The following NRXN1 variants were observed in gnomAD, a reference collection of about 807,000 sequenced individuals.
The protein encoded by NRXN1 is neurexin-1.
NRXN1 carries 39 observed loss-of-function variants against 150.9 expected under a neutral mutation model. That is an observed-to-expected ratio of 0.26 (90% confidence interval 0.20 to 0.34). NRXN1 has a LOEUF of 0.34. NRXN1 is among the 10% of genes least tolerant of loss of function. The probability of loss-of-function intolerance (pLI) is 1.00; values close to 1 mark genes in which losing one functional copy is unlikely to be tolerated. For missense variants in NRXN1, 1,815 were observed against 1,949.9 expected (o/e 0.93, Z 1.30); for synonymous variants, 924 against 757.0 (o/e 1.22, Z -3.62).
chr2:50,376,418 C>A (rs2080501257), intron 17 of NRXN1, among the ~76,000 whole-genome samples: 1 of 151,420 alleles, frequency 6.6e-6, no homozygotes, highest in Non-Finnish European at 1.5e-5. Context: ...AAAACATATC[C>A]CTTAAACTCC....
chr2:50,418,035 C>T lies in NRXN1; in HGVS notation c.3364+47407G>A, dbSNP rs574566137. Among the ~76,000 whole-genome samples the T allele has an allele frequency of 1.9e-4, 29 of 152,102 alleles. 1 individual carries two copies. The highest frequency in any genetic ancestry group is 5.8e-4 in the African/African-American group (24 of 41,530). ...GTGCATTTTAGAAAGATTACTAGTT[C>T]TTCCAGAGGTCTAACCGAGAGGTCA... On this transcript the variant is annotated intron_variant, in intron 17 of 22. Transcript: ENST00000401669.
At chr2:50,755,472 G>GT (rs1442097581) in intron 5 of NRXN1, among the ~76,000 whole-genome samples, 2 of 151,744 alleles carry the variant, frequency 1.3e-5, no homozygotes, top group Non-Finnish European at 2.9e-5. Context: ...CCAAGGAACA[G>GT]TTTTTCCTTC....
At chr2:50,328,578 A>T (rs2076539130) in intron 17 of NRXN1, among the ~76,000 whole-genome samples, 1 of 151,978 alleles carries the variant, frequency 6.6e-6, no homozygotes, top group Non-Finnish European at 1.5e-5. Context: ...TACGAAAAAT[A>T]CAAAAAAAAA....
At chr2:50,132,517 G>C (rs1193609594) in intron 18 of NRXN1, among the ~76,000 whole-genome samples, 2 of 152,036 alleles carry the variant, frequency 1.3e-5, no homozygotes, top group South Asian at 4.2e-4. Context: ...GTGTTAGCCA[G>C]GATGGTCTTG....
chr2:50,244,869 T>C (rs929877383), intron 17 of NRXN1, among the ~76,000 whole-genome samples: 2 of 151,916 alleles, frequency 1.3e-5, no homozygotes, highest in Non-Finnish European at 2.9e-5. Flanking sequence ...TAAACTGCTT[T>C]TTAAGAAGGT....
chr2:50,768,324 G>A (rs1702597509), intron 5 of NRXN1, among the ~76,000 whole-genome samples: 2 of 151,984 alleles, frequency 1.3e-5, no homozygotes. Flanking sequence ...TATGACTTTA[G>A]AAAAGAAAGC....
chr2:50,956,297 G>C (rs987928144), intron 2 of NRXN1, among the ~76,000 whole-genome samples: 1 of 152,022 alleles, frequency 6.6e-6, no homozygotes, highest in African/African-American at 2.4e-5. Flanking sequence ...GTATGGATAG[G>C]GAATAACATA....
chr2:50,431,160 T>A (rs1156500191), intron 17 of NRXN1, among the ~76,000 whole-genome samples: 1 of 152,200 alleles, frequency 6.6e-6, no homozygotes, highest in Non-Finnish European at 1.5e-5. Context: ...GTCTTCTTTT[T>A]GTATGTCCAA....
At chr2:50,176,479 C>T (rs77786418) in intron 18 of NRXN1, among the ~76,000 whole-genome samples, 6,910 of 152,136 alleles carry the variant, frequency 0.045, 242 homozygotes, top group Middle Eastern at 0.099. Context: ...TCATTAGATG[C>T]CTGTTATCAC....
intron 9 of NRXN1, chr2:50,548,154 C>G (rs2093535322): frequency 6.6e-6 from 1 of 152,168 alleles, no homozygotes. Context: ...ACTGTGGTTG[C>G]ATATCCCAGT....
At chr2:50,986,050 T>C (rs969021823) in intron 2 of NRXN1, among the ~76,000 whole-genome samples, 26 of 151,872 alleles carry the variant, frequency 1.7e-4, no homozygotes, top group African/African-American at 6.3e-4. Context: ...AGTAACTCTG[T>C]ATTAATAGAG....
chr2:50,381,771 T>C (rs1227800108), intron 17 of NRXN1, among the ~76,000 whole-genome samples: 1 of 152,162 alleles, frequency 6.6e-6, no homozygotes, highest in Non-Finnish European at 1.5e-5. Context: ...GTGCTTAAAC[T>C]AATTGTAGAA....
intron 22 of NRXN1, among the ~76,000 whole-genome samples, chr2:49,928,833 C>G (rs1669609842): frequency 6.6e-6 from 1 of 152,100 alleles, no homozygotes; most frequent in Non-Finnish European, 1.5e-5. Context: ...CTGACTGTTT[C>G]AAATTCCTTC....
chr2:50,998,044 A>G (rs1319298208), intron 2 of NRXN1, among the ~76,000 whole-genome samples: 1 of 141,496 alleles, frequency 7.1e-6, no homozygotes, highest in Non-Finnish European at 1.5e-5. Flanking sequence ...AATAGGGTCA[A>G]TGTCAACAGC....
chr2:50,778,758 T>A (rs1047840512), intron 5 of NRXN1, among the ~76,000 whole-genome samples: 1 of 152,212 alleles, frequency 6.6e-6, no homozygotes, highest in East Asian at 1.9e-4. Flanking sequence ...AATGTGCATA[T>A]GTTTGTGCAA....
At chr2:50,350,390 C>G (rs531684566) in intron 17 of NRXN1, among the ~76,000 whole-genome samples, 1 of 152,102 alleles carries the variant, frequency 6.6e-6, no homozygotes, top group African/African-American at 2.4e-5. Flanking sequence ...AACACAAAAA[C>G]GTGGTGCTAA....
At chr2:50,607,629 A>G (rs940281961) in intron 8 of NRXN1, among the ~76,000 whole-genome samples, 1 of 152,178 alleles carries the variant, frequency 6.6e-6, no homozygotes, top group Non-Finnish European at 1.5e-5. Flanking sequence ...AGAATTCAGC[A>G]TGAGGATATT....
At chr2:50,784,407 G>A (rs1704797237) in intron 5 of NRXN1, among the ~76,000 whole-genome samples, 1 of 152,012 alleles carries the variant, frequency 6.6e-6, no homozygotes, top group African/African-American at 2.4e-5. Flanking sequence ...GGCAGTAGAA[G>A]CAATGAATGC....
rs1259254215 is a variant in NRXN1, at chr2:50,347,104, C to G, written c.3365-110134G>C. On this transcript the variant is annotated intron_variant, in intron 17 of 22. Transcript: ENST00000401669. The surrounding 1 kb of genome is among the most constrained non-coding windows in gnomAD (Gnocchi z 4.9). ...CCATCCTCTCCCTCCTTCGGACAGT[C>G]TTCTCGGGGTCCTGGAGTCCGCCGT... The G allele has an allele frequency of 2.2e-6, 3 of 1,387,316 alleles. No homozygotes were observed. The highest frequency in any genetic ancestry group is 2.8e-6 in the Non-Finnish European group (3 of 1,053,972). 85.9% of individuals were successfully genotyped at this position (1,387,316 alleles called of 1,614,324 possible). A position where few individuals can be genotyped will look rare whatever the true frequency, so the allele number is the denominator to read the frequency against.
Sources: gnomAD v4.1 joint callset for allele counts (sites outside exome capture counted in the v4.1 genomes callset) on GRCh38, gnomAD v4.1.1 for gene constraint, Gnocchi (gnomAD v3.1) non-coding constraint, MANE v1.5 for transcripts, NCBI Gene and HGNC (gene_info 2026-07-23, HGNC 2026-07-21) for gene names.